The following ANKRD36C variants were observed in gnomAD, a reference collection of about 807,000 sequenced individuals.
ANKRD36C encodes the protein ankyrin repeat domain-containing protein 36C.
In ANKRD36C, 61 loss-of-function variants were observed where a neutral mutation model predicts 276.4. That is an observed-to-expected ratio of 0.22 (90% CI 0.18 to 0.27). The LOEUF (loss-of-function observed/expected upper bound fraction) is 0.27, where lower values mean the gene tolerates loss of function less well. ANKRD36C is among the 10% of genes least tolerant of loss of function. The probability of loss-of-function intolerance (pLI) is 1.00; values close to 1 mark genes in which losing one functional copy is unlikely to be tolerated. For synonymous variants in ANKRD36C, 483 were observed against 680.1 expected, an observed-to-expected ratio of 0.71 and a Z score of 4.51; for missense variants, 1,447 against 2,032.3, an observed-to-expected ratio of 0.71 and a Z score of 5.54.
intron 24 of ANKRD36C, among the ~76,000 whole-genome samples, chr2:95,932,455 C>A (rs1167196174): frequency 6.6e-6 from 1 of 152,274 alleles, no homozygotes; most frequent in Non-Finnish European, 1.5e-5. Context: ...ATTAAGTGCA[C>A]TGCCTGAACT....
In ANKRD36C at chr2:95,981,761, G is replaced by C. The variant is rs1229038554; in HGVS notation, c.593+495C>G. ...GTGGGAAAGCTAGGGATTAAACCCA[G>C]TCCTGTGTGAACCTAAAGCTTGTCT... On this transcript the variant is annotated intron_variant, in intron 4 of 66. Transcript: ENST00000456556. Among the ~76,000 whole-genome samples the C allele has an allele frequency of 2.6e-5, 4 of 151,954 alleles. No homozygotes were observed. In the East Asian group the frequency reaches 5.8e-4, roughly 22 times the overall value.
chr2:95,882,203 A>G, intron 56 of ANKRD36C, 99 bp downstream of exon 76: 1 of 1,307,592 alleles, frequency 7.6e-7, no homozygotes, highest in Non-Finnish European at 1.1e-6. Flanking sequence ...CTGAATCAGA[A>G]AGTGCATTTT....
At chr2:95,849,074 G>T (rs1675233053), downstream of ANKRD36C, among the ~76,000 whole-genome samples, 1 of 151,400 alleles carries the variant, frequency 6.6e-6, no homozygotes, top group Non-Finnish European at 1.5e-5. Flanking sequence ...GTTTTGTTTT[G>T]CATTTGAGAT....
Position 95,852,136 on chromosome 2 carries a change from C to T in ANKRD36C, c.5209G>A (p.Asp1737Asn), listed in dbSNP as rs573545372. The T allele has an allele frequency of 1.3e-4, 217 of 1,608,362 alleles. No homozygotes were observed. In the African/African-American group the frequency reaches 1.4e-3, roughly 10 times the overall value. The change falls in exon 65 of 67, where the codon GAC becomes AAC. Residue 1737 changes from aspartate to asparagine, a missense_variant. By Grantham distance (23) the Asp-to-Asn change is conservative (BLOSUM62 1). Around this residue, in one of 13 missense-constraint regions of ANKRD36C, gnomAD observed 437 missense variants for 641.0 expected, o/e 0.68. Transcript: ENST00000456556. ...TGCTTCAAATTTTACTTTTGTGCGT[C>T]GCCTTCCATCTCCTTAGTACATCTT...
intron 46 of ANKRD36C, among the ~76,000 whole-genome samples, 155 bp downstream of exon 66, chr2:95,891,510 A>T (rs566376675): frequency 2.6e-5 from 4 of 150,988 alleles, no homozygotes; most frequent in South Asian, 2.1e-4. Context: ...GAGCAGCAGC[A>T]TCATCATCAC....
rs187105695 is a variant in ANKRD36C, at chr2:95,911,996, C to T, written c.2653+248G>A. Among the ~76,000 whole-genome samples, 21 of 151,560 alleles carry T rather than the reference C, an allele frequency of 1.4e-4. 2 individuals are homozygous for T. In the East Asian group the frequency reaches 2.7e-3, roughly 20 times the overall value. ...AAAACTATGCTGTACCCCAGAGCCC[C>T]TTATGTCTTCAACTGCTCTCCATAT... is the stretch of plus-strand genomic sequence containing the variant. On this transcript the variant is annotated intron_variant, in intron 42 of 66. Coordinates refer to ENST00000456556, the Ensembl canonical transcript of ANKRD36C.
chr2:95,919,775 T>A, intron 34 of ANKRD36C: 2 of 1,395,634 alleles, frequency 1.4e-6, no homozygotes, highest in Non-Finnish European at 1.9e-6. Context: ...GTGGCTATAT[T>A]CAAAACAGAA....
At chr2:95,884,852 T>C (rs895289934) in intron 52 of ANKRD36C, among the ~76,000 whole-genome samples, 12 of 145,150 alleles carry the variant, frequency 8.3e-5, no homozygotes, top group Non-Finnish European at 1.3e-4. Context: ...TTCAGTTGAA[T>C]GTACACTTCA....
At chr2:95,936,029 A>G (rs1677705879) in intron 22 of ANKRD36C, among the ~76,000 whole-genome samples, 1 of 152,426 alleles carries the variant, frequency 6.6e-6, no homozygotes, top group Non-Finnish European at 1.5e-5. Context: ...ATCTACATAC[A>G]GAAGCATAGT....
At chr2:95,871,808 A>C (rs892092990) in intron 59 of ANKRD36C, among the ~76,000 whole-genome samples, 5 of 151,606 alleles carry the variant, frequency 3.3e-5, no homozygotes, top group Non-Finnish European at 7.4e-5. Context: ...CTCAAAATAA[A>C]AGGATGGAGG....
intron 40 of ANKRD36C, among the ~76,000 whole-genome samples, chr2:95,913,275 G>T (rs889232138): frequency 6.7e-6 from 1 of 150,086 alleles, no homozygotes; most frequent in Non-Finnish European, 1.5e-5. Flanking sequence ...CATCATTCTT[G>T]TGTCTAAAAT....
At chr2:95,888,096 A>G (rs771142038) in exon 49 of ANKRD36C, 1 of 1,609,318 alleles carries the variant, frequency 6.2e-7, no homozygotes, top group South Asian at 1.1e-5. Context: ...AATTACCTTC[A>G]AGGCTGGTTG....
At chr2:95,960,706 A>G in intron 8 of ANKRD36C, 39 bp from the exon 9 acceptor site, 4 of 831,570 alleles carry the variant, frequency 4.8e-6, no homozygotes, top group Non-Finnish European at 7.3e-6. Flanking sequence ...TCATATGTAA[A>G]TATGATAAAG....
At chr2:95,864,869 G>A (rs1251511362) in intron 60 of ANKRD36C, among the ~76,000 whole-genome samples, 3 of 152,020 alleles carry the variant, frequency 2.0e-5, no homozygotes, top group Admixed American at 6.6e-5. Context: ...TTTGGTCTAT[G>A]AAGAAAATCT....
intron 60 of ANKRD36C, among the ~76,000 whole-genome samples, chr2:95,861,279 C>A (rs1041288827): frequency 6.6e-6 from 1 of 150,846 alleles, no homozygotes; most frequent in Non-Finnish European, 1.5e-5. Context: ...GAAATAAACA[C>A]AAATTAGAGA....
chr2:95,853,902 CTTA>C (rs766229982), intron 63 of ANKRD36C, 41 bp from the exon 84 acceptor site: 57 of 1,575,934 alleles, frequency 3.6e-5, no homozygotes, highest in Non-Finnish European at 4.1e-5. Context: ...TACAAATCAC[CTTA>C]TTATTAAACC....
chr2:95,894,505 T>C (rs962518481), intron 44 of ANKRD36C, among the ~76,000 whole-genome samples: 1 of 151,482 alleles, frequency 6.6e-6, no homozygotes, highest in African/African-American at 2.4e-5. Context: ...CAGAAATCAT[T>C]CCAATATTCA....
chr2:95,861,738 T>G (rs1675589189), intron 60 of ANKRD36C, among the ~76,000 whole-genome samples: 1 of 152,048 alleles, frequency 6.6e-6, no homozygotes, highest in African/African-American at 2.4e-5. Context: ...CAAACATAAC[T>G]ATATCAATAA....
At chr2:95,856,267 T>C (rs1390856612) in intron 62 of ANKRD36C, 87 bp from the exon 83 acceptor site, 15 of 1,581,796 alleles carry the variant, frequency 9.5e-6, no homozygotes, top group Non-Finnish European at 6.8e-6. Flanking sequence ...AACCCGAACA[T>C]TTATACAATG....
Sources: gnomAD v4.1 joint callset for allele counts (sites outside exome capture counted in the v4.1 genomes callset) on GRCh38, gnomAD v4.1.1 for gene constraint, gnomAD v4.1.1 regional missense constraint, MANE v1.5 for transcripts, NCBI Gene and HGNC (gene_info 2026-07-23, HGNC 2026-07-21) for gene names.